Variants in GGTA1 observed in about 807,000 individuals in gnomAD.
GGTA1 encodes inactive N-acetyllactosaminide alpha-1,3-galactosyltransferase.
In GGTA1, 5 loss-of-function variants were observed where a neutral mutation model predicts 2.6. The ratio of observed to expected loss-of-function variants is 1.92; its 90% CI spans 1.00 to 4.04. The LOEUF is 4.04. GGTA1 is among the 30% of genes most tolerant of loss of function. GGTA1 has a pLI of 0.00. For missense variants in GGTA1, 50 were observed against 16.7 expected, an observed-to-expected ratio of 2.99 and a Z score of -3.47; for synonymous variants, 17 against 5.0, an observed-to-expected ratio of 3.38 and a Z score of -3.19.
intron 4 of GGTA1, among the ~76,000 whole-genome samples, chr9:121,460,773 A>C (rs1168842403): frequency 6.6e-6 from 1 of 152,170 alleles, no homozygotes; most frequent in African/African-American, 2.4e-5. Flanking sequence ...TGAACCAAGG[A>C]GGTGGAGGTT....
chr9:121,474,697 T>A (rs780053853), intron 1 of GGTA1, among the ~76,000 whole-genome samples: 9 of 152,104 alleles, frequency 5.9e-5, no homozygotes, highest in Non-Finnish European at 1.0e-4. Context: ...GATCCTATCT[T>A]CTCCATCTCG....
intron 1 of GGTA1, chr9:121,494,814 T>A (rs1388865228): frequency 6.6e-6 from 1 of 152,438 alleles, no homozygotes; most frequent in Non-Finnish European, 1.5e-5. Flanking sequence ...AAGCAAGACC[T>A]CATCTTTTAC....
chr9:121,474,844 G>T (rs1469105049), intron 1 of GGTA1, among the ~76,000 whole-genome samples: 1 of 4,276 alleles, frequency 2.3e-4, no homozygotes, highest in African/African-American at 7.2e-4. Context: ...GCAGGCTAAA[G>T]AATTCTCCTC....
intron 1 of GGTA1, among the ~76,000 whole-genome samples, chr9:121,469,304 G>A (rs1253615845): frequency 6.6e-6 from 1 of 152,120 alleles, no homozygotes; most frequent in African/African-American, 2.4e-5. Context: ...ATATGTAACA[G>A]GCTGACAGGT....
intron 1 of GGTA1, among the ~76,000 whole-genome samples, chr9:121,487,544 C>T (rs1191398304): frequency 1.4e-5 from 2 of 141,498 alleles, no homozygotes; most frequent in East Asian, 4.3e-4. Flanking sequence ...CCACTGCACT[C>T]CAGCCTGGCG....
chr9:121,463,639 T>C (rs566447968), intron 2 of GGTA1, among the ~76,000 whole-genome samples: 3 of 152,284 alleles, frequency 2.0e-5, no homozygotes, highest in East Asian at 1.9e-4. Flanking sequence ...TCCACCCCCG[T>C]TGGCCTCCCA....
chr9:121,492,536 C>T (rs1396596373), intron 1 of GGTA1, among the ~76,000 whole-genome samples: 2 of 152,050 alleles, frequency 1.3e-5, no homozygotes, highest in Non-Finnish European at 2.9e-5. Flanking sequence ...TGCAATGGCA[C>T]GATCTTGGCT....
At chr9:121,458,130 G>T (rs77919596) in intron 5 of GGTA1, among the ~76,000 whole-genome samples, 1 of 151,476 alleles carries the variant, frequency 6.6e-6, no homozygotes, top group African/African-American at 2.4e-5. Context: ...GGCTGTTCTT[G>T]AACTCCTGAG....
At chr9:121,473,408 TG>T (rs933914346) in intron 1 of GGTA1, among the ~76,000 whole-genome samples, 15 of 151,322 alleles carry the variant, frequency 9.9e-5, no homozygotes, top group Admixed American at 5.3e-4. Context: ...AAATAGGCGG[TG>T]ACATGCTTCC....
intron 1 of GGTA1, among the ~76,000 whole-genome samples, chr9:121,474,233 G>C (rs190944779): frequency 6.6e-6 from 1 of 151,952 alleles, no homozygotes. Context: ...GAGCCCTCCT[G>C]CCATCTCTCA....
intron 5 of GGTA1, among the ~76,000 whole-genome samples, chr9:121,456,541 CTG>C (rs2064913004): frequency 6.6e-6 from 1 of 152,092 alleles, no homozygotes; most frequent in African/African-American, 2.4e-5. Flanking sequence ...CCTCAGCCTC[CTG>C]AGTAGCTGGG....
intron 1 of GGTA1, among the ~76,000 whole-genome samples, chr9:121,481,518 ACT>A (rs1828649247): frequency 6.6e-6 from 1 of 151,076 alleles, no homozygotes; most frequent in Non-Finnish European, 1.5e-5. Flanking sequence ...CGCCGTCTCT[ACT>A]AAAAATACAA....
chr9:121,497,376 G>C (rs1333878039), intron 1 of GGTA1, among the ~76,000 whole-genome samples: 1 of 152,096 alleles, frequency 6.6e-6, no homozygotes, highest in African/African-American at 2.4e-5. Flanking sequence ...CCGTCTCCAT[G>C]ACATTTGTCC....
rs533930392 is a variant in GGTA1 at position 121,488,224 on chromosome 9, A to G, written c.-10+11426T>C. ...GGCTATTCAGACATGATCATAGCAC[A>G]CTGTAGTCTCAAGCTCCTGGCCTCA... On this transcript the variant is annotated intron_variant, in intron 1 of 5. Coordinates refer to ENST00000481799, the MANE Select transcript of GGTA1 (RefSeq NM_001382585.1). 9.3e-4 allele frequency among the ~76,000 whole-genome samples: 141 copies of G among 152,212 alleles called. 1 individual carries two copies. Among genetic ancestry groups the G allele is most frequent in the African/African-American group, 3.2e-3 (132 of 41,534 alleles).
chr9:121,488,701 G>C (rs1828811126), intron 1 of GGTA1, among the ~76,000 whole-genome samples: 1 of 151,234 alleles, frequency 6.6e-6, no homozygotes, highest in Admixed American at 6.6e-5. Flanking sequence ...TGGGCAACAA[G>C]AGTGAAACTC....
At chr9:121,483,268 C>G (rs1828692723) in intron 1 of GGTA1, among the ~76,000 whole-genome samples, 1 of 152,182 alleles carries the variant, frequency 6.6e-6, no homozygotes, top group African/African-American at 2.4e-5. Context: ...GCTGGGACCT[C>G]TTTTCGTTGG....
At chr9:121,474,180 G>A (rs926651469) in intron 1 of GGTA1, among the ~76,000 whole-genome samples, 6 of 151,994 alleles carry the variant, frequency 3.9e-5, no homozygotes, top group African/African-American at 1.5e-4. Context: ...CAGAGGACTG[G>A]GTGAACTTGG....
At chr9:121,499,081 C>T (rs1288093518) in intron 1 of GGTA1, among the ~76,000 whole-genome samples, 1 of 152,042 alleles carries the variant, frequency 6.6e-6, no homozygotes, top group Non-Finnish European at 1.5e-5. Context: ...GTGTCGGAAA[C>T]TTTCCCCATG....
intron 1 of GGTA1, among the ~76,000 whole-genome samples, chr9:121,482,392 A>G (rs1828671807): frequency 6.6e-6 from 1 of 152,146 alleles, no homozygotes; most frequent in African/African-American, 2.4e-5. Context: ...ACTTGAGACC[A>G]GGAGGCGGAG....
Sources: gnomAD v4.1 joint callset for allele counts (sites outside exome capture counted in the v4.1 genomes callset) on GRCh38, gnomAD v4.1.1 for gene constraint, MANE v1.5 for transcripts, NCBI Gene and HGNC (gene_info 2026-07-23, HGNC 2026-07-21) for gene names.